Variants in SLC25A14 observed in about 807,000 individuals in gnomAD.
SLC25A14 encodes brain mitochondrial carrier protein 1.
Under a neutral mutation model 28.1 loss-of-function variants are expected in SLC25A14, and 8 were observed. The observed-to-expected ratio is 0.28, with a 90% CI of 0.17 to 0.51. The LOEUF (loss-of-function observed/expected upper bound fraction) is 0.51. SLC25A14 is among the 20% of genes least tolerant of loss of function. The pLI is 0.97. For synonymous variants in SLC25A14, 74 were observed against 90.6 expected (o/e 0.82, Z 1.04); for missense variants, 135 against 263.8 (o/e 0.51, Z 3.38).
intron 9 of SLC25A14, among the ~76,000 whole-genome samples, chrX:130,370,481 G>A (rs1043647291): frequency 1.8e-5 from 2 of 111,812 alleles, no homozygotes; most frequent in Middle Eastern, 4.7e-3. Flanking sequence ...AATTCAGCAC[G>A]TGCCACCAGT....
chrX:130,354,053 T>TCTTTTCTC (rs887844302), intron 6 of SLC25A14, among the ~76,000 whole-genome samples: 2 of 110,709 alleles, frequency 1.8e-5, no homozygotes, highest in Admixed American at 1.9e-4. Context: ...CATCTTTAGC[T>TCTTTTCTC]CTTTTCTCCT....
Position 130,339,954 on chromosome X carries a change from A to T in SLC25A14, c.-195A>T. ...CCGACTGTGGGAGCCTCAGCTTCCC[A>T]GTCGTCCGATGAGCCCGAGCAGGTG... On this transcript the variant is annotated 5_prime_UTR_variant, in exon 1 of 11. Transcript: ENST00000545805. 3 of 852,093 alleles carry T rather than the reference A, an allele frequency of 3.5e-6. No homozygotes were observed. Among genetic ancestry groups the T allele is most frequent in the Non-Finnish European group, 4.3e-6 (3 of 703,063 alleles). 70.2% of individuals were successfully genotyped at this position (852,093 alleles called of 1,213,427 possible). A position where few individuals can be genotyped will look rare whatever the true frequency, so the allele number is the denominator to read the frequency against.
At chrX:130,368,798 C>T (rs1432228144) in intron 9 of SLC25A14, among the ~76,000 whole-genome samples, 5 of 111,825 alleles carry the variant, frequency 4.5e-5, no homozygotes, top group African/African-American at 1.6e-4. Context: ...TAATAAGAGG[C>T]AGGTCTGAGA....
At chrX:130,366,028 A>G (rs917349505) in intron 9 of SLC25A14, among the ~76,000 whole-genome samples, 3 of 112,322 alleles carry the variant, frequency 2.7e-5, no homozygotes, top group Non-Finnish European at 5.6e-5. Context: ...AAAAGCCTGT[A>G]TTTTATTTCA....
At chrX:130,344,450 G>A (rs1386059841) in intron 2 of SLC25A14, among the ~76,000 whole-genome samples, 2 of 111,296 alleles carry the variant, frequency 1.8e-5, no homozygotes, top group African/African-American at 6.5e-5. Context: ...GAAAAGGGAG[G>A]CTGGGAGCAG....
chrX:130,340,018 T>C (rs759983137), intron 1 of SLC25A14, 42 bp downstream of exon 1: 227 of 979,330 alleles, frequency 2.3e-4, no homozygotes, highest in Non-Finnish European at 2.8e-4. Flanking sequence ...GGAGCGGGGC[T>C]GGGCCGCGCC....
chrX:130,356,888 C>T (rs189884526), intron 6 of SLC25A14, among the ~76,000 whole-genome samples: 4 of 112,038 alleles, frequency 3.6e-5, no homozygotes, highest in South Asian at 3.8e-4. Flanking sequence ...AGGACCTCAT[C>T]TCAGTAGCCT....
At chrX:130,370,767 T>C (rs901484993) in intron 9 of SLC25A14, among the ~76,000 whole-genome samples, 7 of 112,367 alleles carry the variant, frequency 6.2e-5, no homozygotes, top group African/African-American at 2.3e-4. Context: ...TATCAATTTG[T>C]GTATTTGTCA....
intron 6 of SLC25A14, among the ~76,000 whole-genome samples, chrX:130,354,750 T>G (rs976495785): frequency 8.9e-6 from 1 of 112,025 alleles, no homozygotes; most frequent in African/African-American, 3.3e-5. Flanking sequence ...TATAATTGCT[T>G]TTGTGCTTCA....
chrX:130,361,587 A>C (rs1355860987), intron 7 of SLC25A14, among the ~76,000 whole-genome samples: 1 of 112,656 alleles, frequency 8.9e-6, no homozygotes, highest in Non-Finnish European at 1.9e-5. Context: ...AAAACATTTC[A>C]CTTTCTTCCT....
intron 5 of SLC25A14, among the ~76,000 whole-genome samples, chrX:130,350,226 G>A (rs1226158829): frequency 1.8e-5 from 2 of 111,585 alleles, no homozygotes; most frequent in African/African-American, 6.5e-5. Flanking sequence ...TAAGTTTTTT[G>A]TATTAGACGT....
At chrX:130,368,359 A>G (rs929616827) in intron 9 of SLC25A14, among the ~76,000 whole-genome samples, 20 of 112,287 alleles carry the variant, frequency 1.8e-4, no homozygotes, top group African/African-American at 5.2e-4. Flanking sequence ...CAAGTAATAA[A>G]AAAGAAAAAA....
chrX:130,346,179 G>T (rs181693726), intron 3 of SLC25A14, among the ~76,000 whole-genome samples: 1 of 111,268 alleles, frequency 9.0e-6, no homozygotes, highest in Non-Finnish European at 1.9e-5. Flanking sequence ...AGACACAGAG[G>T]TGGGGAGACT....
intron 9 of SLC25A14, 109 bp downstream of exon 9, chrX:130,365,785 A>G (rs2034102340): frequency 5.2e-6 from 3 of 575,502 alleles, no homozygotes; most frequent in Non-Finnish European, 8.2e-6. Context: ...TGAAAGAATC[A>G]TATTTTTTTA....
Position 130,358,472 on chromosome X carries a change from A to G in SLC25A14, c.499-168A>G, listed in dbSNP as rs180818910. On this transcript the variant is annotated intron_variant, in intron 6 of 10. Transcript: ENST00000545805. ...ACTTTGACACAAATTCTTTTTCTAT[A>G]CAGTTTAACTAATTAACTTTATCAT... 3.8e-4 allele frequency among the ~76,000 whole-genome samples: 43 copies of G among 112,524 alleles called. 1 individual carries two copies. Among genetic ancestry groups the G allele is most frequent in the African/African-American group, 1.3e-3 (40 of 31,082 alleles).
chrX:130,363,450 A>G (rs2034030291), intron 7 of SLC25A14, among the ~76,000 whole-genome samples: 1 of 112,499 alleles, frequency 8.9e-6, no homozygotes, highest in Non-Finnish European at 1.9e-5. Flanking sequence ...CCCTTCATCA[A>G]TTAATGAGCA....
intron 9 of SLC25A14, among the ~76,000 whole-genome samples, chrX:130,368,520 A>G (rs903299055): frequency 8.9e-6 from 1 of 112,358 alleles, no homozygotes; most frequent in African/African-American, 3.2e-5. Context: ...ATAGAAGGAG[A>G]TAAACACAGG....
chrX:130,360,567 C>T (rs1346155389), intron 7 of SLC25A14, among the ~76,000 whole-genome samples: 1 of 111,668 alleles, frequency 9.0e-6, no homozygotes, highest in African/African-American at 3.3e-5. Context: ...ATCTAATCAC[C>T]TTTCATCTAA....
intron 2 of SLC25A14, 53 bp downstream of exon 2, chrX:130,340,406 C>T (rs2033210609): frequency 9.3e-6 from 11 of 1,187,342 alleles, no homozygotes; most frequent in Non-Finnish European, 1.1e-5. Flanking sequence ...GAAAGATGCT[C>T]CCCTTCGGTT....
Sources: gnomAD v4.1 joint callset for allele counts (sites outside exome capture counted in the v4.1 genomes callset) on GRCh38, gnomAD v4.1.1 for gene constraint, MANE v1.5 for transcripts, NCBI Gene and HGNC (gene_info 2026-07-23, HGNC 2026-07-21) for gene names.